The following ADARB1 variants were observed in gnomAD, a reference collection of about 807,000 sequenced individuals.
The protein encoded by ADARB1 is double-stranded RNA-specific editase 1.
ADARB1 carries 10 observed loss-of-function variants against 52.4 expected under a neutral mutation model. The ratio of observed to expected loss-of-function variants is 0.19; its 90% CI spans 0.12 to 0.32. The LOEUF (loss-of-function observed/expected upper bound fraction) is 0.32. ADARB1 is among the 10% of genes least tolerant of loss of function. ADARB1 has a pLI of 1.00. For missense variants in ADARB1, 643 were observed against 922.3 expected, an observed-to-expected ratio of 0.70 and a Z score of 3.92; for synonymous variants, 349 against 371.1, an observed-to-expected ratio of 0.94 and a Z score of 0.68.
intron 3 of ADARB1, among the ~76,000 whole-genome samples, chr21:45,173,482 G>A (rs1388274034): frequency 6.6e-6 from 1 of 152,062 alleles, no homozygotes; most frequent in Admixed American, 6.6e-5. Flanking sequence ...CTGTATCACA[G>A]AAAGTGTATT....
At chr21:45,170,838 G>C (rs553562935) in intron 2 of ADARB1, among the ~76,000 whole-genome samples, 1 of 152,262 alleles carries the variant, frequency 6.6e-6, no homozygotes, top group South Asian at 2.1e-4. Flanking sequence ...TTTAAGAAGA[G>C]GAAACTCTTA....
At chr21:45,174,299 C>T (rs1016229135) in intron 3 of ADARB1, among the ~76,000 whole-genome samples, 7 of 152,160 alleles carry the variant, frequency 4.6e-5, no homozygotes, top group African/African-American at 1.2e-4. Context: ...GGCACTGTAG[C>T]CCTCACCCTT....
At chr21:45,151,546 C>T (rs73384733) in intron 2 of ADARB1, among the ~76,000 whole-genome samples, 1 of 152,144 alleles carries the variant, frequency 6.6e-6, no homozygotes, top group Admixed American at 6.5e-5. Flanking sequence ...GACTCCTCCC[C>T]ATAATCGGAC....
At chr21:45,181,255 C>T (rs1330444756) in intron 5 of ADARB1, among the ~76,000 whole-genome samples, 2 of 152,208 alleles carry the variant, frequency 1.3e-5, no homozygotes, top group African/African-American at 4.8e-5. Context: ...CTTGTTCTTT[C>T]CCCCTGAGGG....
Position 45,220,926 on chromosome 21 carries a change from A to C in ADARB1, c.1838A>C (p.Asn613Thr). ...GGCGACTCCGCTATTGAGGTCATCA[A>C]CGCCACGACTGGGAAGGATGAGCTG... Reference protein sequence around the residue: ...TVGDSAIEVINATTGKDELGR... With the variant: ...TVGDSAIEVITATTGKDELGR... The change falls in exon 10 of 11, where the codon AAC becomes ACC. Residue 613 changes from asparagine to threonine, a missense_variant. Asn to Thr is a moderately conservative substitution (Grantham distance 65). Coordinates refer to ENST00000348831, the MANE Select transcript of ADARB1 (RefSeq NM_001112.4). The surrounding 1 kb of genome is among the most constrained non-coding windows in gnomAD (Gnocchi z 6.3). The C allele has an allele frequency of 6.2e-7, 1 of 1,613,458 alleles. No individual in the cohort carries two copies. Among genetic ancestry groups the C allele is most frequent in the Non-Finnish European group, 8.5e-7 (1 of 1,180,038 alleles).
In ADARB1 at chr21:45,223,252, A is replaced by G; in HGVS notation, c.*1055A>G. On this transcript the variant is annotated 3_prime_UTR_variant, in exon 11 of 11. Coordinates refer to ENST00000348831, the MANE Select transcript of ADARB1 (RefSeq NM_001112.4). ...TAAATTATTGTTTCCAGCTTTATCA[A>G]AGACATGTTTGAAAAATAAAAAGCA... is the stretch of plus-strand genomic sequence containing the variant. 1 of 985,472 alleles carries G rather than the reference A, an allele frequency of 1.0e-6. No homozygotes were observed. The highest frequency in any genetic ancestry group is 4.7e-5 in the South Asian group (1 of 21,284). The allele number at this position is 985,472 out of a possible 1,614,324, so 61.0% of individuals were successfully genotyped here.
intron 2 of ADARB1, among the ~76,000 whole-genome samples, chr21:45,163,332 G>C (rs1480597274): frequency 1.3e-5 from 2 of 152,250 alleles, no homozygotes; most frequent in Non-Finnish European, 2.9e-5. Flanking sequence ...GCTGTGATTA[G>C]TTGGTTGAGG....
At chr21:45,198,536 G>C (rs9976215) in intron 8 of ADARB1, among the ~76,000 whole-genome samples, 3,353 of 151,916 alleles carry the variant, frequency 0.022, 94 homozygotes, top group African/African-American at 0.062. Flanking sequence ...CACACACACA[G>C]AGAATAAATT....
intron 2 of ADARB1, among the ~76,000 whole-genome samples, chr21:45,170,379 T>C (rs545691692): frequency 3.3e-5 from 5 of 152,360 alleles, no homozygotes; most frequent in African/African-American, 1.2e-4. Context: ...GCACAAGTGC[T>C]TTGCACGTAA....
chr21:45,099,430 C>T (rs1327009881), intron 1 of ADARB1, among the ~76,000 whole-genome samples: 9 of 152,114 alleles, frequency 5.9e-5, no homozygotes, highest in South Asian at 2.1e-4. Flanking sequence ...TTTGGGAGGC[C>T]GAGGCGGGTG....
In ADARB1 at chr21:45,201,858, G is replaced by A. The variant is rs114030618; in HGVS notation, c.1566-2697G>A. ...AAGGCTTGAGTGGCTGGGAAGGGAG[G>A]CCTCCCTCAGAACGGCTTTTGTACA... is the stretch of plus-strand genomic sequence containing the variant. On this transcript the variant is annotated intron_variant, in intron 8 of 10. Coordinates refer to ENST00000348831, the MANE Select transcript of ADARB1 (RefSeq NM_001112.4). Among the ~76,000 whole-genome samples, 846 of 152,140 alleles carry A rather than the reference G, an allele frequency of 5.6e-3. 6 individuals are homozygous for A. The highest frequency in any genetic ancestry group is 0.019 in the African/African-American group (807 of 41,502).
chr21:45,076,106 A>C (rs1568985342), intron 1 of ADARB1, among the ~76,000 whole-genome samples: 1 of 152,194 alleles, frequency 6.6e-6, no homozygotes, highest in African/African-American at 2.4e-5. Context: ...AGAAAAGCTA[A>C]TTGTCTTTTG....
intron 4 of ADARB1, chr21:45,177,517 T>G (rs1338703793): frequency 2.0e-5 from 3 of 152,256 alleles, no homozygotes; most frequent in Non-Finnish European, 2.9e-5. Context: ...CTCTAAATCC[T>G]AAAACTCTCT....
chr21:45,195,630 T>C (rs551702635), intron 8 of ADARB1, among the ~76,000 whole-genome samples: 139 of 152,280 alleles, frequency 9.1e-4, no homozygotes, highest in African/African-American at 3.3e-3. Context: ...TCTGCATGTT[T>C]ATGTCCATTG....
At position 45,223,831 on chromosome 21, in the gene ADARB1, G is replaced by A. The variant is rs774728820; in HGVS notation, c.*1634G>A. The A allele has an allele frequency of 8.2e-5, 81 of 985,272 alleles. No homozygotes were observed. Among genetic ancestry groups the A allele is most frequent in the Admixed American group, 1.2e-4 (2 of 16,250 alleles). 61.0% of individuals were successfully genotyped at this position (985,272 alleles called of 1,614,324 possible). A position where few individuals can be genotyped will look rare whatever the true frequency, so the allele number is the denominator to read the frequency against. On this transcript the variant is annotated 3_prime_UTR_variant, in exon 11 of 11. Transcript: ENST00000348831. ...ATCCACGTGTGTCCACACAGATCTCGTCGCAGCACGGCAGGAAGGGGTGCT... is the reference window on the plus strand; with the variant it reads ...ATCCACGTGTGTCCACACAGATCTCATCGCAGCACGGCAGGAAGGGGTGCT...
Position 45,113,162 on chromosome 21 carries a change from C to T in ADARB1, c.-219-15240C>T, listed in dbSNP as rs571934017. Among the ~76,000 whole-genome samples, 8 of 152,206 alleles carry T rather than the reference C, an allele frequency of 5.3e-5. No homozygotes were observed. The South Asian group carries it at 6.2e-4, about 12-fold the overall frequency. On this transcript the variant is annotated intron_variant, in intron 1 of 10. Transcript: ENST00000348831. ...TGAAATGGCCAGGCTCGGTGGCTCA[C>T]GCCTGTAATTCCAGCACTTTGGGAG...
intron 2 of ADARB1, among the ~76,000 whole-genome samples, chr21:45,153,598 G>A (rs2090413545): frequency 6.6e-6 from 1 of 152,204 alleles, no homozygotes; most frequent in Admixed American, 6.5e-5. Flanking sequence ...TTTTGGTGTG[G>A]CTTCCTAAGA....
chr21:45,074,740 C>T lies in ADARB1; in HGVS notation c.-273C>T, dbSNP rs1448967940. 6.8e-6 allele frequency: 1 copy of T among 146,452 alleles called. No individual in the cohort carries two copies. The highest frequency in any genetic ancestry group is 6.8e-5 in the Admixed American group (1 of 14,734). 9.1% of individuals were successfully genotyped at this position (146,452 alleles called of 1,614,324 possible). ...AGCGCCGCCCGGCGCGAGACTGCGG[C>T]CGAAGCGTGGGGCGCGCGTGCGGAG... is the stretch of plus-strand genomic sequence containing the variant. On this transcript the variant is annotated 5_prime_UTR_variant, in exon 1 of 11. Transcript: ENST00000348831.
In ADARB1 at chr21:45,225,859, AGCGTC is replaced by A. The variant is rs1309355829; in HGVS notation, c.*3663_*3667del. On this transcript the variant is annotated 3_prime_UTR_variant, in exon 11 of 11. Transcript: ENST00000348831. ...TGTGTTCCGTGTGTGTCCAGTTTAC[AGCGTC>A]TCTGCCCCCTAGCGTGTTTTGTGAC... 1 of 323,916 alleles carries A rather than the reference AGCGTC, an allele frequency of 3.1e-6. No homozygotes were observed. The allele number at this position is 323,916 out of a possible 1,614,324, so 20.1% of individuals were successfully genotyped here.
Sources: allele counts gnomAD v4.1 joint callset (sites outside exome capture counted in the v4.1 genomes callset), GRCh38; gene constraint gnomAD v4.1.1; non-coding constraint Gnocchi (gnomAD v3.1); transcripts MANE v1.5; gene names NCBI Gene and HGNC (gene_info 2026-07-23, HGNC 2026-07-21).